Variants in DLGAP1 observed in about 807,000 individuals in gnomAD.
DLGAP1 encodes the protein DLG associated protein 1.
A neutral mutation model predicts 90.8 loss-of-function variants in DLGAP1; 11 were observed. The ratio of observed to expected loss-of-function variants is 0.12; its 90% CI spans 0.08 to 0.20. The LOEUF is 0.20. Among genes scored for constraint, DLGAP1 ranks in the 10% least tolerant of loss-of-function variants. The pLI is 1.00. For synonymous variants in DLGAP1, 558 were observed against 540.7 expected (o/e 1.03, Z -0.44); for missense variants, 1,050 against 1,333.8 (o/e 0.79, Z 3.31).
intron 1 of DLGAP1, among the ~76,000 whole-genome samples, chr18:4,317,641 C>G (rs1313865270): frequency 6.6e-6 from 1 of 152,160 alleles, no homozygotes; most frequent in Non-Finnish European, 1.5e-5. Flanking sequence ...CCCTATTCAC[C>G]CAGAAACTTG....
chr18:3,817,608 T>C (rs888456068), intron 4 of DLGAP1, among the ~76,000 whole-genome samples: 6 of 152,202 alleles, frequency 3.9e-5, no homozygotes, highest in Admixed American at 3.9e-4. Flanking sequence ...AACATCGATA[T>C]AATCGAGTCA....
chr18:3,915,654 A>G (rs1040401784), intron 3 of DLGAP1, among the ~76,000 whole-genome samples: 3 of 152,246 alleles, frequency 2.0e-5, no homozygotes, highest in African/African-American at 7.2e-5. Context: ...AAGGAAGAAG[A>G]AAAGTTAAAA....
intron 2 of DLGAP1, among the ~76,000 whole-genome samples, chr18:4,074,542 G>C (rs1351885080): frequency 6.6e-6 from 1 of 152,028 alleles, no homozygotes; most frequent in African/African-American, 2.4e-5. Context: ...ATTGCCAAAA[G>C]CTTAACAATG....
chr18:4,105,174 GTACCGAGTGTT>G (rs1275754900), intron 2 of DLGAP1, among the ~76,000 whole-genome samples: 3 of 152,168 alleles, frequency 2.0e-5, no homozygotes, highest in African/African-American at 7.2e-5. Flanking sequence ...AGTGAGATGT[GTACCGAGTGTT>G]CTCAAAGCAA....
At chr18:3,912,553 A>T (rs950597321) in intron 3 of DLGAP1, among the ~76,000 whole-genome samples, 3 of 152,346 alleles carry the variant, frequency 2.0e-5, no homozygotes, top group Admixed American at 6.5e-5. Context: ...ACAGAAAATA[A>T]ACAGAACGAA....
chr18:4,191,831 A>G (rs2077406147), intron 1 of DLGAP1, among the ~76,000 whole-genome samples: 1 of 152,174 alleles, frequency 6.6e-6, no homozygotes, highest in Non-Finnish European at 1.5e-5. Context: ...TGACTCAGTG[A>G]TTTGTGTAAT....
chr18:3,870,184 T>C (rs568932289), intron 4 of DLGAP1, among the ~76,000 whole-genome samples: 1 of 152,194 alleles, frequency 6.6e-6, no homozygotes, highest in South Asian at 2.1e-4. Flanking sequence ...TCGGAATCTC[T>C]TGGGTGGATG....
intron 1 of DLGAP1, among the ~76,000 whole-genome samples, chr18:4,380,775 C>T (rs763301335): frequency 4.6e-5 from 7 of 152,154 alleles, no homozygotes; most frequent in Non-Finnish European, 7.4e-5. Context: ...TTCACTCAGA[C>T]ACAGCATTGA....
At chr18:3,857,564 G>A (rs905265523) in intron 4 of DLGAP1, among the ~76,000 whole-genome samples, 1 of 152,108 alleles carries the variant, frequency 6.6e-6, no homozygotes, top group East Asian at 1.9e-4. Context: ...TGTCTGACTG[G>A]ACCACTCCTT....
Position 4,239,243 on chromosome 18 carries a change from A to C in DLGAP1, c.-266-87956T>G, listed in dbSNP as rs1235448135. The stretch of plus-strand genomic sequence containing the variant: ...AAATCTTCAGCTTTACAATGTCATC[A>C]AGCATGAGATGTGTGAAGGACTGTG... On this transcript the variant is annotated intron_variant, in intron 1 of 12. Transcript: ENST00000315677. Among the ~76,000 whole-genome samples, 6 of 152,346 alleles carry C rather than the reference A, an allele frequency of 3.9e-5. No homozygotes were observed. The East Asian group carries it at 1.2e-3, about 29-fold the overall frequency.
In DLGAP1 at chr18:4,383,570, C is replaced by T. The variant is rs76364237; in HGVS notation, c.-267+71436G>A. Among the ~76,000 whole-genome samples, 98 of 151,924 alleles carry T rather than the reference C, an allele frequency of 6.5e-4. No homozygotes were observed. The highest frequency in any genetic ancestry group is 2.3e-3 in the African/African-American group (97 of 41,444). On this transcript the variant is annotated intron_variant, in intron 1 of 12. Transcript: ENST00000315677. The surrounding 1 kb of genome is among the most constrained non-coding windows in gnomAD (Gnocchi z 4.0). The stretch of plus-strand genomic sequence containing the variant: ...AGCTCTGTATGCACTTAGACAAAAC[C>T]GAGTATCCTTGCTCATTAAAAAAAA...
At chr18:4,236,775 T>C (rs2078425334) in intron 1 of DLGAP1, among the ~76,000 whole-genome samples, 1 of 152,064 alleles carries the variant, frequency 6.6e-6, no homozygotes, top group Non-Finnish European at 1.5e-5. Context: ...TTTACAAACA[T>C]GTAAGGCCAT....
At chr18:3,508,490 T>G in intron 11 of DLGAP1, 80 bp downstream of exon 11, 1 of 988,966 alleles carries the variant, frequency 1.0e-6, no homozygotes, top group East Asian at 2.8e-5. Flanking sequence ...AAATCAGTTT[T>G]ACTTTAGTTG....
intron 1 of DLGAP1, among the ~76,000 whole-genome samples, chr18:4,409,060 T>C (rs1437560349): frequency 6.6e-6 from 1 of 151,966 alleles, no homozygotes; most frequent in African/African-American, 2.4e-5. Flanking sequence ...ATAGGTTATT[T>C]AAATAAATTA....
intron 1 of DLGAP1, among the ~76,000 whole-genome samples, chr18:4,288,751 G>A (rs1418624310): frequency 6.6e-6 from 1 of 152,134 alleles, no homozygotes; most frequent in Non-Finnish European, 1.5e-5. Flanking sequence ...CAATCCGCTT[G>A]CTGCTCGGCT....
chr18:3,625,111 C>T (rs1431500195), intron 7 of DLGAP1, among the ~76,000 whole-genome samples: 1 of 152,234 alleles, frequency 6.6e-6, no homozygotes, highest in Non-Finnish European at 1.5e-5. Context: ...AGGAGATGGT[C>T]CCTCATTCCT....
intron 4 of DLGAP1, among the ~76,000 whole-genome samples, chr18:3,856,565 A>T (rs1221017291): frequency 6.6e-6 from 1 of 152,168 alleles, no homozygotes. Flanking sequence ...ATTATTTATA[A>T]TATAAAGAAA....
chr18:4,219,023 C>G (rs1158396526), intron 1 of DLGAP1, among the ~76,000 whole-genome samples: 4 of 79,974 alleles, frequency 5.0e-5, no homozygotes, highest in African/African-American at 2.1e-4. Flanking sequence ...CTAGTTCTAT[C>G]TTTGTTTTTT....
In DLGAP1 at chr18:3,879,327, C is replaced by T. The variant is rs768176519; in HGVS notation, c.742G>A (p.Val248Met). ...EAYNTISEQAVKASRSNNDVK... is the reference protein window; with the variant it reads ...EAYNTISEQAMKASRSNNDVK... ...TCGTTGTTGCTCCGGGAGGCCTTCA[C>T]CGCCTGCTCGCTGATGGTGTTGTAG... Residue 248 changes from valine to methionine, a missense_variant, in exon 4 of 13, where the codon GTG becomes ATG. This residue lies in a region of DLGAP1 where 485 missense variants were observed against 454.1 expected (regional missense o/e 1.07). Coordinates refer to ENST00000315677, the MANE Select transcript of DLGAP1 (RefSeq NM_004746.4). The surrounding 1 kb of genome is among the most constrained non-coding windows in gnomAD (Gnocchi z 6.6). The T allele has an allele frequency of 7.5e-6, 12 of 1,604,804 alleles. No homozygotes were observed. The highest frequency in any genetic ancestry group is 8.5e-6 in the Non-Finnish European group (10 of 1,175,180).
Sources: allele counts gnomAD v4.1 joint callset (sites outside exome capture counted in the v4.1 genomes callset), GRCh38; gene constraint gnomAD v4.1.1; regional missense constraint gnomAD v4.1.1; non-coding constraint Gnocchi (gnomAD v3.1); transcripts MANE v1.5; gene names NCBI Gene and HGNC (gene_info 2026-07-23, HGNC 2026-07-21).